SLC9A6: variants seen among roughly 807,000 people sequenced by gnomAD.
The protein encoded by SLC9A6 is sodium/hydrogen exchanger 6.
Under a neutral mutation model 45.3 loss-of-function variants are expected in SLC9A6, and 6 were observed. The observed-to-expected ratio is 0.13, with a 90% CI of 0.07 to 0.26. The LOEUF is 0.26. SLC9A6 is among the 10% of genes least tolerant of loss of function. The pLI is 1.00. For synonymous variants in SLC9A6, 191 were observed against 187.7 expected (o/e 1.02, Z -0.14); for missense variants, 278 against 503.7 (o/e 0.55, Z 4.29).
intron 16 of SLC9A6, among the ~76,000 whole-genome samples, chrX:136,036,095 A>G (rs952032588): frequency 6.3e-5 from 7 of 110,943 alleles, no homozygotes; most frequent in African/African-American, 2.0e-4. Context: ...CCAACCAACC[A>G]GTTTTCCAGA....
chrX:136,024,284 A>G (rs1241125181), intron 12 of SLC9A6, 46 bp from the exon 13 acceptor site: 1 of 1,184,323 alleles, frequency 8.4e-7, no homozygotes, highest in Non-Finnish European at 1.1e-6. Flanking sequence ...TGAAGCTTGC[A>G]TTGGTAATGA....
intron 16 of SLC9A6, among the ~76,000 whole-genome samples, chrX:136,039,499 G>A (rs2071471408): frequency 9.0e-6 from 1 of 111,241 alleles, no homozygotes; most frequent in African/African-American, 3.3e-5. Context: ...TTTTTAAAAT[G>A]TCTTGAGATT....
chrX:136,023,160 A>AATGT (rs2071160199), intron 12 of SLC9A6, among the ~76,000 whole-genome samples: 1 of 51,096 alleles, frequency 2.0e-5, no homozygotes, highest in Non-Finnish European at 3.3e-5. Flanking sequence ...AGAAAAAGAA[A>AATGT]ATGTATATAT....
chrX:136,031,383 G>A (rs2071317005), intron 15 of SLC9A6, among the ~76,000 whole-genome samples: 1 of 111,794 alleles, frequency 8.9e-6, no homozygotes, highest in African/African-American at 3.3e-5. Flanking sequence ...ACAAAGGACC[G>A]TTTTTTTTCC....
At chrX:135,996,023 CTTTTTTT>C (rs1167208674) in intron 3 of SLC9A6, among the ~76,000 whole-genome samples, 1 of 55,345 alleles carries the variant, frequency 1.8e-5, no homozygotes, top group South Asian at 9.3e-4. Flanking sequence ...CAGGACTTGA[CTTTTTTT>C]TTTTTTTTTT....
At chrX:135,988,034 A>T (rs898735088) in intron 2 of SLC9A6, among the ~76,000 whole-genome samples, 4 of 111,768 alleles carry the variant, frequency 3.6e-5, no homozygotes, top group Admixed American at 1.9e-4. Flanking sequence ...GGACAAATAC[A>T]GTCTTTTTAA....
At chrX:136,029,281 T>G (rs2071278395) in intron 14 of SLC9A6, among the ~76,000 whole-genome samples, 1 of 110,428 alleles carries the variant, frequency 9.1e-6, no homozygotes, top group Non-Finnish European at 1.9e-5. Flanking sequence ...GGGGTGGGGA[T>G]GCTAGTTTGT....
intron 17 of SLC9A6, among the ~76,000 whole-genome samples, chrX:136,043,122 A>C (rs1556622914): frequency 8.9e-6 from 1 of 112,051 alleles, no homozygotes. Flanking sequence ...GGAGCCACAG[A>C]GCTTGTGAGT....
chrX:136,024,366 G>A lies in SLC9A6; in HGVS notation c.1343G>A (p.Arg448Gln). ...RGAMAFALAIRDTATYARQMM... is the reference protein window; with the variant it reads ...RGAMAFALAIQDTATYARQMM... ...GCAATGGCATTTGCCTTGGCCATTCGAGATACTGCCACTTATGCACGGCAA... is the reference window on the plus strand; with the variant it reads ...GCAATGGCATTTGCCTTGGCCATTCAAGATACTGCCACTTATGCACGGCAA... Residue 448 changes from arginine to glutamine, a missense_variant, in exon 13 of 18, where the codon CGA becomes CAA. Around this residue, in one of 5 missense-constraint regions of SLC9A6, gnomAD observed 15 missense variants for 58.1 expected, o/e 0.26. Transcript: ENST00000630721. 2 of 1,210,875 alleles carry A rather than the reference G, an allele frequency of 1.7e-6. No homozygotes were observed. The highest frequency in any genetic ancestry group is 2.2e-6 in the Non-Finnish European group (2 of 895,053).
intron 13 of SLC9A6, among the ~76,000 whole-genome samples, chrX:136,025,442 T>A (rs1387788806): frequency 2.7e-5 from 3 of 112,474 alleles, no homozygotes; most frequent in African/African-American, 9.7e-5. Flanking sequence ...TCCATTTTTT[T>A]AAATTCTATT....
chrX:136,008,443 G>A (rs1556618239), intron 7 of SLC9A6, among the ~76,000 whole-genome samples: 2 of 111,704 alleles, frequency 1.8e-5, no homozygotes, highest in Non-Finnish European at 1.9e-5. Flanking sequence ...GTTTCTCCAT[G>A]TTGGTCAGGC....
chrX:135,986,121 G>C (rs1556614953), intron 2 of SLC9A6, among the ~76,000 whole-genome samples: 2 of 110,261 alleles, frequency 1.8e-5, no homozygotes, highest in African/African-American at 6.6e-5. Flanking sequence ...CTCGGGACCC[G>C]GGGCTGAGGA....
intron 1 of SLC9A6, among the ~76,000 whole-genome samples, chrX:135,979,178 G>A (rs1475297120): frequency 9.0e-6 from 1 of 110,938 alleles, no homozygotes; most frequent in African/African-American, 3.3e-5. Flanking sequence ...GGGCCTAGAC[G>A]GGACCCCTGG....
chrX:136,046,301 TA>T lies in SLC9A6; in HGVS notation c.*1578del, dbSNP rs1198220980. The T allele has an allele frequency of 3.6e-5, 4 of 112,639 alleles. No homozygotes were observed. The highest frequency in any genetic ancestry group is 7.5e-5 in the Non-Finnish European group (4 of 53,299). 9.3% of individuals were successfully genotyped at this position (112,639 alleles called of 1,213,427 possible). Reference sequence around the variant, plus strand: ...CTATTGCAAACACTCCTTGAGATTTTAGGGGAATTCTAATGTTGTACCCTTT... The same window carrying T: ...CTATTGCAAACACTCCTTGAGATTTTGGGGAATTCTAATGTTGTACCCTTT... On this transcript the variant is annotated 3_prime_UTR_variant, in exon 18 of 18. Transcript: ENST00000630721.
At chrX:136,015,395 A>G (rs1300194755) in intron 10 of SLC9A6, among the ~76,000 whole-genome samples, 1 of 111,930 alleles carries the variant, frequency 8.9e-6, no homozygotes, top group African/African-American at 3.2e-5. Context: ...GCCGATCCCT[A>G]TGTTGCAAAG....
chrX:136,030,873 CACAG>C (rs1199049131), intron 15 of SLC9A6, among the ~76,000 whole-genome samples: 1 of 112,073 alleles, frequency 8.9e-6, no homozygotes, highest in Non-Finnish European at 1.9e-5. Context: ...GATGAGAAAT[CACAG>C]AAATTAGATT....
upstream of SLC9A6, among the ~76,000 whole-genome samples, chrX:135,981,597 G>C (rs2089285948): frequency 2.7e-5 from 3 of 112,187 alleles, no homozygotes; most frequent in South Asian, 3.7e-4. Flanking sequence ...GGAACACATG[G>C]AAAGGCACAT....
upstream of SLC9A6, among the ~76,000 whole-genome samples, chrX:135,981,901 ACT>A (rs149088659): frequency 0.1 from 11,140 of 111,673 alleles, 475 homozygotes; most frequent in Admixed American, 0.15. Context: ...ATATATGTAA[ACT>A]TTGCAATCCA....
chrX:135,996,737 TTTGTTG>T (rs782744380), intron 3 of SLC9A6, among the ~76,000 whole-genome samples: 1 of 111,567 alleles, frequency 9.0e-6, no homozygotes, highest in Admixed American at 9.5e-5. Context: ...TCATTTATTT[TTTGTTG>T]TTGTTGTTTT....
Sources: allele counts gnomAD v4.1 joint callset (sites outside exome capture counted in the v4.1 genomes callset), GRCh38; gene constraint gnomAD v4.1.1; regional missense constraint gnomAD v4.1.1; transcripts MANE v1.5; gene names NCBI Gene and HGNC (gene_info 2026-07-23, HGNC 2026-07-21).